The following SRRM4 variants were observed in gnomAD, a reference collection of about 807,000 sequenced individuals.
The protein encoded by SRRM4 is serine/arginine repetitive matrix 4.
SRRM4 carries 33 observed loss-of-function variants against 68.9 expected under a neutral mutation model. The observed-to-expected ratio is 0.48, with a 90% CI of 0.36 to 0.64. The LOEUF (loss-of-function observed/expected upper bound fraction) is 0.64, where lower values mean the gene tolerates loss of function less well. Among genes scored for constraint, SRRM4 ranks in the 30% least tolerant of loss-of-function variants. The probability of loss-of-function intolerance (pLI) is 0.00; values close to 1 mark genes in which losing one functional copy is unlikely to be tolerated. For synonymous variants in SRRM4, 318 were observed against 318.8 expected (o/e 1.00, Z 0.03); for missense variants, 817 against 827.1 (o/e 0.99, Z 0.15).
At chr12:119,129,544 AAC>A (rs1954280831) in intron 7 of SRRM4, among the ~76,000 whole-genome samples, 1 of 152,238 alleles carries the variant, frequency 6.6e-6, no homozygotes, top group East Asian at 1.9e-4. Flanking sequence ...TTTATAGACA[AAC>A]ACATGGAAAC....
chr12:119,090,400 A>G (rs2136036375), intron 1 of SRRM4, among the ~76,000 whole-genome samples: 1 of 152,270 alleles, frequency 6.6e-6, no homozygotes, highest in East Asian at 1.9e-4. Flanking sequence ...GAAAAGATAT[A>G]GTTTCAACTG....
At chr12:119,089,066 G>A (rs929414531) in intron 1 of SRRM4, among the ~76,000 whole-genome samples, 2 of 152,054 alleles carry the variant, frequency 1.3e-5, no homozygotes, top group African/African-American at 4.8e-5. Flanking sequence ...CCAAGCCCCC[G>A]GTGTCTCCTG....
chr12:119,135,621 T>C (rs1954323329), intron 8 of SRRM4, among the ~76,000 whole-genome samples: 1 of 152,180 alleles, frequency 6.6e-6, no homozygotes, highest in South Asian at 2.1e-4. Context: ...ACCAGGTGTT[T>C]ACTGAGCACC....
At chr12:119,113,791 G>A (rs1348176083) in intron 2 of SRRM4, among the ~76,000 whole-genome samples, 3 of 152,064 alleles carry the variant, frequency 2.0e-5, no homozygotes, top group Non-Finnish European at 4.4e-5. Flanking sequence ...GAGGTTCTGC[G>A]AGGCAATATA....
chr12:119,042,331 C>T (rs1014595784), intron 1 of SRRM4, among the ~76,000 whole-genome samples: 25 of 151,682 alleles, frequency 1.6e-4, no homozygotes, highest in East Asian at 1.2e-3. Context: ...AAAGAAAAAG[C>T]GGAGAAAGAA....
rs114522112 is a variant in SRRM4, at chr12:118,994,827, G to A, written c.131+12814G>A. On this transcript the variant is annotated intron_variant, in intron 1 of 12. Transcript: ENST00000267260. ...TGCAATGGTTGCCTTTGGCCATTCC[G>A]GCTTATGTTCAAAAGCGAGTCAGTT... is the stretch of plus-strand genomic sequence containing the variant. Among the ~76,000 whole-genome samples the A allele has an allele frequency of 9.1e-3, 1,393 of 152,252 alleles. 28 individuals are homozygous for A. The highest frequency in any genetic ancestry group is 0.032 in the African/African-American group (1,320 of 41,532).
intron 1 of SRRM4, among the ~76,000 whole-genome samples, chr12:119,037,498 G>A (rs1490886901): frequency 6.6e-6 from 1 of 152,178 alleles, no homozygotes; most frequent in Admixed American, 6.5e-5. Context: ...TAGTCTGGAT[G>A]AAAAATTATC....
At chr12:119,016,970 T>TTAAA in intron 1 of SRRM4, among the ~76,000 whole-genome samples, 1 of 152,338 alleles carries the variant, frequency 6.6e-6, no homozygotes, top group Admixed American at 6.5e-5. Context: ...CATAGTATTG[T>TTAAA]TGTGATAATT....
rs1954457848 is a variant in SRRM4 at position 119,154,229 on chromosome 12, C to T, written c.1392-14C>T. 1 of 1,590,980 alleles carries T rather than the reference C, an allele frequency of 6.3e-7. No individual in the cohort carries two copies. Among genetic ancestry groups the T allele is most frequent in the Non-Finnish European group, 8.6e-7 (1 of 1,167,284 alleles). ...CCAGCCCCAGCTCCCCAGTAACCCC[C>T]CGCGCCCCTTCAGGGAGCGGGATCC... On this transcript the variant is annotated splice_polypyrimidine_tract_variant and intron_variant, in intron 11 of 12. Coordinates refer to ENST00000267260, the MANE Select transcript of SRRM4 (RefSeq NM_194286.4). This position sits in a 1 kb window ranked among gnomAD's most constrained non-coding sequence, Gnocchi z 4.7.
chr12:119,138,271 C>T (rs1295970162), intron 8 of SRRM4, among the ~76,000 whole-genome samples: 1 of 152,146 alleles, frequency 6.6e-6, no homozygotes, highest in Non-Finnish European at 1.5e-5. Context: ...TCCTGACATA[C>T]TAAGGGAGCT....
At chr12:119,127,534 C>G (rs886268154) in intron 7 of SRRM4, among the ~76,000 whole-genome samples, 1 of 151,924 alleles carries the variant, frequency 6.6e-6, no homozygotes, top group Non-Finnish European at 1.5e-5. Flanking sequence ...TAGTGATCAC[C>G]CTGGCCAACA....
At chr12:119,043,895 T>C (rs1953687488) in intron 1 of SRRM4, among the ~76,000 whole-genome samples, 1 of 152,048 alleles carries the variant, frequency 6.6e-6, no homozygotes, top group African/African-American at 2.4e-5. Context: ...GACGGAGTTT[T>C]GCTCTTGTTG....
At chr12:118,993,640 A>G (rs1340130253) in intron 1 of SRRM4, among the ~76,000 whole-genome samples, 2 of 152,162 alleles carry the variant, frequency 1.3e-5, no homozygotes, top group Non-Finnish European at 2.9e-5. Context: ...AATGGCCCCC[A>G]AAGAAAAGAC....
chr12:119,090,657 C>T (rs929672368), intron 1 of SRRM4, among the ~76,000 whole-genome samples: 1 of 152,182 alleles, frequency 6.6e-6, no homozygotes, highest in African/African-American at 2.4e-5. Flanking sequence ...CAACAGCATC[C>T]ACTGTGCTGC....
chr12:119,042,078 A>C (rs1319391348), intron 1 of SRRM4, among the ~76,000 whole-genome samples: 1 of 152,188 alleles, frequency 6.6e-6, no homozygotes, highest in Admixed American at 6.5e-5. Context: ...TTCGCGGATG[A>C]CAAGAGTCTT....
At chr12:119,045,792 C>G (rs886901147) in intron 1 of SRRM4, among the ~76,000 whole-genome samples, 1 of 152,086 alleles carries the variant, frequency 6.6e-6, no homozygotes, top group African/African-American at 2.4e-5. Flanking sequence ...AATCCCAGCA[C>G]TTTGGGAGGC....
intron 4 of SRRM4, among the ~76,000 whole-genome samples, chr12:119,118,874 G>C (rs904710537): frequency 6.6e-6 from 1 of 152,098 alleles, no homozygotes; most frequent in Non-Finnish European, 1.5e-5. Flanking sequence ...TACAGAGTAG[G>C]GGGTTCATAT....
chr12:119,129,910 TGGA>T (rs1438858890), intron 7 of SRRM4, among the ~76,000 whole-genome samples: 13 of 150,264 alleles, frequency 8.7e-5, no homozygotes, highest in African/African-American at 2.9e-4. Context: ...GATGGATGGA[TGGA>T]TGGATGGTTA....
intron 1 of SRRM4, among the ~76,000 whole-genome samples, chr12:119,000,080 A>G (rs1164770305): frequency 6.6e-6 from 1 of 152,180 alleles, no homozygotes; most frequent in East Asian, 1.9e-4. Flanking sequence ...ACAATATGCT[A>G]CTTTGTACAG....
Sources: gnomAD v4.1 joint callset for allele counts (sites outside exome capture counted in the v4.1 genomes callset) on GRCh38, gnomAD v4.1.1 for gene constraint, Gnocchi (gnomAD v3.1) non-coding constraint, MANE v1.5 for transcripts, NCBI Gene and HGNC (gene_info 2026-07-23, HGNC 2026-07-21) for gene names.